Variants in RLBP1 observed in about 807,000 individuals in gnomAD.
RLBP1 encodes the protein retinaldehyde-binding protein 1.
RLBP1 carries 26 observed loss-of-function variants against 36.2 expected under a neutral mutation model. The ratio of observed to expected loss-of-function variants is 0.72; its 90% CI spans 0.53 to 1.00. The LOEUF is 1.00. Ranked by LOEUF, RLBP1 falls within the 50% of genes least tolerant of loss-of-function variation. The pLI, the probability that RLBP1 is intolerant of heterozygous loss-of-function variation, is 0.00. For synonymous variants in RLBP1, 155 were observed against 156.2 expected (o/e 0.99, Z 0.06); for missense variants, 410 against 402.4 (o/e 1.02, Z -0.16).
rs1567123991 is a variant in RLBP1, at chr15:89,217,285, C to T, written c.181G>A (p.Glu61Lys). ...ELNEREETREEAVRELQEMVQ... is the reference protein window; with the variant it reads ...ELNEREETREKAVRELQEMVQ... ...ATCTCCTGCAGCTCTCGCACTGCCT[C>T]CTCCCGGGTCTCCTCTCTCTCGTTC... Residue 61 changes from glutamate to lysine, a missense_variant, in exon 5 of 9, where the codon GAG (glutamate) becomes AAG (lysine). Physicochemically the swap from Glu to Lys is moderately conservative, Grantham distance 56. Coordinates refer to ENST00000268125, the MANE Select transcript of RLBP1 (RefSeq NM_000326.5). 1 of 1,608,762 alleles carries T rather than the reference C, an allele frequency of 6.2e-7. No homozygotes were observed. Among genetic ancestry groups the T allele is most frequent in the Non-Finnish European group, 8.5e-7 (1 of 1,180,008 alleles).
rs2051525168 is a variant in RLBP1, at chr15:89,210,232, G to T, written c.*53C>A. On this transcript the variant is annotated 3_prime_UTR_variant, in exon 9 of 9. Coordinates refer to ENST00000268125, the MANE Select transcript of RLBP1 (RefSeq NM_000326.5). This position sits in a 1 kb window ranked among gnomAD's most constrained non-coding sequence, Gnocchi z 4.7. ...CTTTCCTAGCCTTGGGTCCAGGACA[G>T]TTGAGGAGAGGCCCAGAGATTCTAA... The T allele has an allele frequency of 1.9e-6, 3 of 1,605,000 alleles. No individual in the cohort carries two copies. The South Asian group carries it at 3.3e-5, about 18-fold the overall frequency.
intron 5 of RLBP1, 32 bp downstream of exon 5, chr15:89,217,088 C>T: frequency 1.9e-6 from 3 of 1,610,336 alleles, no homozygotes; most frequent in Non-Finnish European, 2.5e-6. Context: ...CTCCCGTCTT[C>T]CCAGGGCCGT....
rs2051598813 is a variant in RLBP1 at position 89,218,323 on chromosome 15, G to A, written c.141+242C>T. Among the ~76,000 whole-genome samples the A allele has an allele frequency of 6.6e-6, 1 of 152,190 alleles. No homozygotes were observed. Among genetic ancestry groups the A allele is most frequent in the Non-Finnish European group, 1.5e-5 (1 of 68,040 alleles). ...TCTCATATTGAGTCTAGTTTAGAGG[G>A]CCCTAGTTCCGAGGCTCTGGGCTGT... On this transcript the variant is annotated intron_variant, in intron 4 of 8. Transcript: ENST00000268125. This position sits in a 1 kb window ranked among gnomAD's most constrained non-coding sequence, Gnocchi z 4.6.
intron 5 of RLBP1, among the ~76,000 whole-genome samples, chr15:89,216,879 A>C (rs1253595240): frequency 6.6e-6 from 1 of 152,326 alleles, no homozygotes; most frequent in South Asian, 2.1e-4. Flanking sequence ...ATTGAATCCC[A>C]AGACTGGGAG....
rs1475069366 is a variant in RLBP1 at position 89,217,306 on chromosome 15, C to G, written c.160G>C (p.Glu54Gln). 10 of 1,606,578 alleles carry G rather than the reference C, an allele frequency of 6.2e-6. No homozygotes were observed. Among genetic ancestry groups the G allele is most frequent in the Non-Finnish European group, 8.5e-6 (10 of 1,179,990 alleles). ...TLQKAKDELN[E>Q]REETREEAVR... The stretch of plus-strand genomic sequence containing the variant: ...GCCTCCTCCCGGGTCTCCTCTCTCT[C>G]GTTCAGCTCATCCTTGGCCTAGAAC... Residue 54 changes from glutamate (E) to glutamine (Q), a missense_variant, in exon 5 of 9, where the codon GAG becomes CAG. Coordinates refer to ENST00000268125, the MANE Select transcript of RLBP1 (RefSeq NM_000326.5).
intron 6 of RLBP1, among the ~76,000 whole-genome samples, chr15:89,212,608 ATG>A (rs200928834): frequency 3.8e-5 from 5 of 131,232 alleles, no homozygotes; most frequent in Admixed American, 8.7e-5. Context: ...AAAAAGAAAA[ATG>A]TGTGTGTGTG....
intron 1 of RLBP1, among the ~76,000 whole-genome samples, chr15:89,220,695 G>T (rs2051619659): frequency 6.6e-6 from 1 of 152,158 alleles, no homozygotes; most frequent in African/African-American, 2.4e-5. Flanking sequence ...GGTTTTGCTG[G>T]AACAGGAATG....
In RLBP1 at chr15:89,210,325, A is replaced by G; in HGVS notation, c.914T>C (p.Leu305Pro). The G allele has an allele frequency of 6.2e-7, 1 of 1,614,208 alleles. No homozygotes were observed. The highest frequency in any genetic ancestry group is 8.5e-7 in the Non-Finnish European group (1 of 1,180,044). Residue 305 changes from leucine to proline, a missense_variant, in exon 9 of 9, where the codon CTC (leucine) becomes CCC (proline). By Grantham distance (98) the Leu-to-Pro change is moderately conservative (BLOSUM62 -3). Coordinates refer to ENST00000268125, the MANE Select transcript of RLBP1 (RefSeq NM_000326.5). This position sits in a 1 kb window ranked among gnomAD's most constrained non-coding sequence, Gnocchi z 4.7. ...CTCAGCTTGGGCCTGGGGGCCAAAG[A>G]GCTGCTCAGCAACGGCCTTGCCATC... Reference protein sequence around the residue: ...KYDGKAVAEQLFGPQAQAENT... With the variant: ...KYDGKAVAEQPFGPQAQAENT...
At chr15:89,215,451 A>C (rs1367543238) in intron 5 of RLBP1, among the ~76,000 whole-genome samples, 1 of 152,186 alleles carries the variant, frequency 6.6e-6, no homozygotes, top group African/African-American at 2.4e-5. Context: ...GGCCTATCTC[A>C]CCAAATTGTT....
rs367721986 is a variant in RLBP1, at chr15:89,214,508, T to TA, written c.525+551dup. ...AATAAGTTTGTAGCAGTTTTTTTTTTAAATTAAAGGAATCTTTTTCAGGCT... is the reference window on the plus strand; with the variant it reads ...AATAAGTTTGTAGCAGTTTTTTTTTTAAAATTAAAGGAATCTTTTTCAGGCT... On this transcript the variant is annotated intron_variant, in intron 6 of 8. Transcript: ENST00000268125. The surrounding 1 kb of genome is among the most constrained non-coding windows in gnomAD (Gnocchi z 4.6). Among the ~76,000 whole-genome samples the TA allele has an allele frequency of 2.6e-5, 4 of 151,896 alleles. No individual in the cohort carries two copies. Among genetic ancestry groups the TA allele is most frequent in the Admixed American group, 6.6e-5 (1 of 15,232 alleles).
chr15:89,217,750 G>T (rs1465984167), intron 4 of RLBP1, among the ~76,000 whole-genome samples: 3 of 152,164 alleles, frequency 2.0e-5, no homozygotes, highest in African/African-American at 7.2e-5. Flanking sequence ...AAGGAGTGGA[G>T]CTGGGACTCC....
intron 5 of RLBP1, among the ~76,000 whole-genome samples, chr15:89,215,474 TGA>T (rs2051572788): frequency 6.6e-6 from 1 of 152,182 alleles, no homozygotes. Context: ...GGCAATCAAA[TGA>T]GATTCAAGGT....
chr15:89,212,627 T>C lies in RLBP1; in HGVS notation c.526-726A>G, dbSNP rs548317547. The stretch of plus-strand genomic sequence containing the variant: ...AGAAAAATGTGTGTGTGTGTGCGCG[T>C]GTGTGTGTGTGTGTATGTGCGTGCA... On this transcript the variant is annotated intron_variant, in intron 6 of 8. Transcript: ENST00000268125. Among the ~76,000 whole-genome samples, 440 of 141,470 alleles carry C rather than the reference T, an allele frequency of 3.1e-3. 1 individual carries two copies. The highest frequency in any genetic ancestry group is 5.3e-3 in the African/African-American group (194 of 36,642). 92.8% of individuals were successfully genotyped at this position (141,470 alleles called of 152,430 possible). A position where few individuals can be genotyped will look rare whatever the true frequency, so the allele number is the denominator to read the frequency against.
At chr15:89,220,639 T>G (rs1198159504) in intron 1 of RLBP1, among the ~76,000 whole-genome samples, 1 of 152,102 alleles carries the variant, frequency 6.6e-6, no homozygotes, top group Admixed American at 6.5e-5. Flanking sequence ...TCCAGGTATG[T>G]GGGCACAGAG....
At chr15:89,221,197 T>TG (rs992439243) in intron 1 of RLBP1, among the ~76,000 whole-genome samples, 1 of 152,148 alleles carries the variant, frequency 6.6e-6, no homozygotes, top group South Asian at 2.1e-4. Flanking sequence ...TTAGTGGAGA[T>TG]GGGGTTTCAC....
intron 6 of RLBP1, among the ~76,000 whole-genome samples, chr15:89,212,625 C>CGTGTGTGT (rs138615112): frequency 7.0e-6 from 1 of 143,300 alleles, no homozygotes; most frequent in Non-Finnish European, 1.5e-5. Flanking sequence ...TGTGTGTGCG[C>CGTGTGTGT]GTGTGTGTGT....
chr15:89,210,180 G>A lies in RLBP1; in HGVS notation c.*105C>T, dbSNP rs370364039. 2 of 1,365,356 alleles carry A rather than the reference G, an allele frequency of 1.5e-6. No individual in the cohort carries two copies. The highest frequency in any genetic ancestry group is 1.4e-5 in the African/African-American group (1 of 70,270). 84.6% of individuals were successfully genotyped at this position (1,365,356 alleles called of 1,614,324 possible). A position where few individuals can be genotyped will look rare whatever the true frequency, so the allele number is the denominator to read the frequency against. ...CTCACTCGGGCTTAGGGAGTCTAAG[G>A]GGGGACCACAGTCATCTCAAGCAGC... On this transcript the variant is annotated 3_prime_UTR_variant, in exon 9 of 9. Transcript: ENST00000268125. This position sits in a 1 kb window ranked among gnomAD's most constrained non-coding sequence, Gnocchi z 4.7.
intron 5 of RLBP1, among the ~76,000 whole-genome samples, chr15:89,216,269 C>T (rs546626739): frequency 1.3e-5 from 2 of 152,026 alleles, no homozygotes; most frequent in African/African-American, 2.4e-5. Flanking sequence ...ACCCCATTTC[C>T]GTCCACCAGT....
At chr15:89,217,380 A>C in intron 4 of RLBP1, 56 bp from the exon 5 acceptor site, 3 of 1,550,928 alleles carry the variant, frequency 1.9e-6, no homozygotes, top group Non-Finnish European at 2.6e-6. Flanking sequence ...GAGGGGCAGG[A>C]CACACAGGTG....
Sources: allele counts gnomAD v4.1 joint callset (sites outside exome capture counted in the v4.1 genomes callset), GRCh38; gene constraint gnomAD v4.1.1; non-coding constraint Gnocchi (gnomAD v3.1); transcripts MANE v1.5; gene names NCBI Gene and HGNC (gene_info 2026-07-23, HGNC 2026-07-21).